Variants in PTPRF observed in about 807,000 individuals in gnomAD.
The protein encoded by PTPRF is receptor-type tyrosine-protein phosphatase F.
PTPRF carries 59 observed loss-of-function variants against 201.8 expected under a neutral mutation model. That is an observed-to-expected ratio of 0.29 (90% CI 0.24 to 0.36). The LOEUF is 0.36. PTPRF is among the 10% of genes least tolerant of loss of function. PTPRF has a pLI of 1.00. For synonymous variants in PTPRF, 1,088 were observed against 1,089.7 expected (o/e 1.00, Z 0.03); for missense variants, 2,132 against 2,690.5 (o/e 0.79, Z 4.59).
At chr1:43,551,233 A>T (rs1203801898) in intron 3 of PTPRF, among the ~76,000 whole-genome samples, 4 of 149,942 alleles carry the variant, frequency 2.7e-5, no homozygotes, top group African/African-American at 7.4e-5. Flanking sequence ...CAGGTGGAGA[A>T]CCCTGAGCTG....
intron 2 of PTPRF, among the ~76,000 whole-genome samples, chr1:43,541,433 A>G (rs1383856736): frequency 6.6e-6 from 1 of 152,106 alleles, no homozygotes; most frequent in Non-Finnish European, 1.5e-5. Context: ...TTGCAACGTG[A>G]ATCTTCTGTG....
At chr1:43,531,357 T>C (rs985817259) in intron 1 of PTPRF, among the ~76,000 whole-genome samples, 2 of 75,992 alleles carry the variant, frequency 2.6e-5, no homozygotes, top group East Asian at 3.8e-4. Context: ...CCGCCGCCCC[T>C]CGCCGCCTCC....
At chr1:43,617,609 C>G (rs1258015060) in intron 24 of PTPRF, 41 bp downstream of exon 24, 2 of 1,612,228 alleles carry the variant, frequency 1.2e-6, no homozygotes, top group Non-Finnish European at 1.7e-6. Context: ...TTGCTCTCCC[C>G]CTTGCTAGCT....
At chr1:43,604,808 C>T in intron 16 of PTPRF, 95 bp from the exon 17 acceptor site, 1 of 1,032,582 alleles carries the variant, frequency 9.7e-7, no homozygotes, top group Non-Finnish European at 1.5e-6. Flanking sequence ...GTTCCCCAAC[C>T]AGTGTCTCAT....
Position 43,617,812 on chromosome 1 carries a change from G to A in PTPRF, c.4272G>A (p.Gln1424=), listed in dbSNP as rs1372187467. The A allele has an allele frequency of 2.5e-6, 4 of 1,614,000 alleles. No individual in the cohort carries two copies. In the African/African-American group the frequency reaches 5.3e-5, roughly 22 times the overall value. The change falls in exon 25 of 34, where the codon CAG becomes CAA. Residue 1424 remains glutamine, a synonymous_variant. Coordinates refer to ENST00000359947, the MANE Select transcript of PTPRF (RefSeq NM_002840.5). ...YRKQNAYIAT[Q]GPLPETMGDF... is the part of the protein sequence containing the mutation. ...AGCAGAATGCCTACATCGCCACGCA[G>A]GGCCCCCTGCCCGAGACCATGGGTG...
In PTPRF at chr1:43,588,088, C is replaced by G. The variant is rs1053644576; in HGVS notation, c.680-643C>G. Among the ~76,000 whole-genome samples, 1 of 152,220 alleles carries G rather than the reference C, an allele frequency of 6.6e-6. No individual in the cohort carries two copies. Among genetic ancestry groups the G allele is most frequent in the African/African-American group, 2.4e-5 (1 of 41,460 alleles). On this transcript the variant is annotated intron_variant, in intron 7 of 33. Transcript: ENST00000359947. The surrounding 1 kb of genome is among the most constrained non-coding windows in gnomAD (Gnocchi z 5.3). ...GTCCCTGGCCTGCCCTGACCCCTGCCCCTCCCCAGTCCTCCTGAGGGCAGC... is the reference window on the plus strand; with the variant it reads ...GTCCCTGGCCTGCCCTGACCCCTGCGCCTCCCCAGTCCTCCTGAGGGCAGC...
upstream of PTPRF, among the ~76,000 whole-genome samples, chr1:43,523,890 G>GAA (rs57872715): frequency 1.5e-5 from 2 of 136,006 alleles, no homozygotes; most frequent in African/African-American, 5.5e-5. Context: ...GTCTACTAAA[G>GAA]AAAAAAAAAA....
intron 5 of PTPRF, among the ~76,000 whole-genome samples, chr1:43,560,259 G>A (rs1569924431): frequency 2.6e-5 from 4 of 151,790 alleles, no homozygotes; most frequent in Admixed American, 2.6e-4. Flanking sequence ...CAGTGTGTGT[G>A]TGTGTACATG....
rs755969957 is a variant in PTPRF, at chr1:43,618,617, C to T, written c.4372-13C>T. 5 of 1,590,242 alleles carry T rather than the reference C, an allele frequency of 3.1e-6. No individual in the cohort carries two copies. The highest frequency in any genetic ancestry group is 1.7e-4 in the Middle Eastern group (1 of 5,978). On this transcript the variant is annotated splice_polypyrimidine_tract_variant and intron_variant, in intron 25 of 33. Transcript: ENST00000359947. ...TGGGCTTCCTTCAGCCTGCCCTGCT[C>T]ATCCTCCTGCAGGTAAAATGTGATC...
At chr1:43,569,916 T>TA (rs774754644) in intron 6 of PTPRF, 138 bp downstream of exon 6, 2 of 1,002,606 alleles carry the variant, frequency 2.0e-6, no homozygotes, top group Non-Finnish European at 2.8e-6. Context: ...GGCTGGGTCT[T>TA]ACTGCAGGTG....
chr1:43,547,185 A>C (rs1357234712), intron 3 of PTPRF, among the ~76,000 whole-genome samples: 7 of 144,166 alleles, frequency 4.9e-5, no homozygotes, highest in African/African-American at 1.8e-4. Flanking sequence ...CCCTCCACCC[A>C]CCCCACTCAC....
chr1:43,532,678 G>T, intron 1 of PTPRF: 1 of 155,586 alleles, frequency 6.4e-6, no homozygotes. Context: ...GGAAATTTCT[G>T]TGCTTAGCTC....
chr1:43,583,226 G>A, intron 7 of PTPRF: 1 of 601,156 alleles, frequency 1.7e-6, no homozygotes, highest in Admixed American at 6.3e-5. Flanking sequence ...TCTGTTGTTT[G>A]GGCCGGCGGG....
At chr1:43,601,350 C>T (rs1459087285) in intron 13 of PTPRF, among the ~76,000 whole-genome samples, 1 of 152,236 alleles carries the variant, frequency 6.6e-6, no homozygotes, top group Non-Finnish European at 1.5e-5. Flanking sequence ...TTCCTTCCTA[C>T]CTTAATCCTC....
intron 3 of PTPRF, among the ~76,000 whole-genome samples, chr1:43,549,862 CAAAAA>C (rs765642445): frequency 7.7e-6 from 1 of 129,238 alleles, no homozygotes; most frequent in Non-Finnish European, 1.7e-5. Flanking sequence ...ACCCCCCTCT[CAAAAA>C]AAAAAAAGAC....
At chr1:43,615,297 C>T (rs554567767) in intron 23 of PTPRF, among the ~76,000 whole-genome samples, 7 of 152,308 alleles carry the variant, frequency 4.6e-5, no homozygotes, top group African/African-American at 1.4e-4. Context: ...GTAAGGTGGG[C>T]TCCCTGCCTC....
At position 43,603,808 on chromosome 1, in the gene PTPRF, A is replaced by G. The variant is rs1228814877; in HGVS notation, c.2656A>G (p.Thr886Ala). 1.9e-6 allele frequency: 3 copies of G among 1,613,956 alleles called. No individual in the cohort carries two copies. Among genetic ancestry groups the G allele is most frequent in the Non-Finnish European group, 1.7e-6 (2 of 1,180,036 alleles). ...HFTVTGLHKG[T>A]TYIFRLAAKN... ...CACAGTCACCGGCCTGCACAAGGGG[A>G]CCACCTACATCTTCCGGCTTGCTGC... The change falls in exon 16 of 34, where the codon ACC (threonine) becomes GCC (alanine). Residue 886 changes from threonine to alanine, a missense_variant. Coordinates refer to ENST00000359947, the MANE Select transcript of PTPRF (RefSeq NM_002840.5). This position sits in a 1 kb window ranked among gnomAD's most constrained non-coding sequence, Gnocchi z 5.8.
chr1:43,594,029 G>A (rs990916086), intron 11 of PTPRF, among the ~76,000 whole-genome samples: 4 of 152,038 alleles, frequency 2.6e-5, no homozygotes, highest in African/African-American at 9.7e-5. Flanking sequence ...AATTACAGGT[G>A]CAATGTCTGT....
intron 6 of PTPRF, among the ~76,000 whole-genome samples, chr1:43,575,031 A>G (rs572180119): frequency 2.6e-5 from 4 of 152,326 alleles, no homozygotes; most frequent in Non-Finnish European, 5.9e-5. Flanking sequence ...GTGGGCAGGA[A>G]GCAGGCAGCA....
Sources: allele counts gnomAD v4.1 joint callset (sites outside exome capture counted in the v4.1 genomes callset), GRCh38; gene constraint gnomAD v4.1.1; non-coding constraint Gnocchi (gnomAD v3.1); transcripts MANE v1.5; gene names NCBI Gene and HGNC (gene_info 2026-07-23, HGNC 2026-07-21).